The following ROS1 variants were observed in gnomAD, a reference collection of about 807,000 sequenced individuals.
ROS1 encodes the protein ROS proto-oncogene 1, receptor tyrosine kinase, also known as proto-oncogene tyrosine-protein kinase ROS.
A neutral mutation model predicts 273.5 loss-of-function variants in ROS1; 263 were observed. That is an observed-to-expected ratio of 0.96 (90% CI 0.87 to 1.06). The LOEUF (loss-of-function observed/expected upper bound fraction) is 1.06, where lower values mean the gene tolerates loss of function less well. Ranked by LOEUF, ROS1 falls within the 50% of genes least tolerant of loss-of-function variation. The probability of loss-of-function intolerance (pLI) is 0.00; values close to 1 mark genes in which losing one functional copy is unlikely to be tolerated. For missense variants in ROS1, 2,833 were observed against 2,751.1 expected (o/e 1.03, Z -0.67); for synonymous variants, 1,008 against 954.1 (o/e 1.06, Z -1.04).
chr6:117,326,231 T>G lies in ROS1; in HGVS notation c.5532A>C (p.Leu1844Phe), dbSNP rs1390601271. Reference sequence around the variant, plus strand: ...ACAGACATGGTAACATACCTCCAACTAATATAATATTCTCACTGATTCCAC... The same window carrying G: ...ACAGACATGGTAACATACCTCCAACGAATATAATATTCTCACTGATTCCAC... ...EYSGISENII[L>F]VGDDFWIPET... Residue 1844 changes from leucine (L) to phenylalanine (F), a missense_variant, in exon 34 of 44, where the codon TTA becomes TTC. By Grantham distance (22) the Leu-to-Phe change is conservative (BLOSUM62 0). Transcript: ENST00000368507. The G allele has an allele frequency of 1.3e-6, 2 of 1,588,882 alleles. No homozygotes were observed. Among genetic ancestry groups the G allele is most frequent in the Non-Finnish European group, 1.7e-6 (2 of 1,169,688 alleles).
intron 9 of ROS1, among the ~76,000 whole-genome samples, chr6:117,395,851 G>A (rs555939805): frequency 1.3e-5 from 2 of 150,862 alleles, no homozygotes; most frequent in African/African-American, 4.8e-5. Flanking sequence ...AGGGATTAGG[G>A]CAGAAAAGTT....
At position 117,350,101 on chromosome 6, in the gene ROS1, A is replaced by G. The variant is rs75690213; in HGVS notation, c.4303+2889T>C. ...TCTAATGCTCTTCCTTTCTTTATGT[A>G]GATCTGCATTTCTGATCTATATCAT... On this transcript the variant is annotated intron_variant, in intron 27 of 43. Transcript: ENST00000368507. Among the ~76,000 whole-genome samples, 589 of 152,190 alleles carry G rather than the reference A, an allele frequency of 3.9e-3. 6 individuals are homozygous for G. Among genetic ancestry groups the G allele is most frequent in the Middle Eastern group, 0.027 (8 of 294 alleles).
intron 34 of ROS1, among the ~76,000 whole-genome samples, chr6:117,324,850 T>C (rs1415312961): frequency 6.6e-6 from 1 of 152,132 alleles, no homozygotes; most frequent in African/African-American, 2.4e-5. Context: ...TTCAGTTGTG[T>C]AGAGGAAACA....
At chr6:117,413,706 G>A (rs1775109796) in intron 4 of ROS1, among the ~76,000 whole-genome samples, 1 of 152,206 alleles carries the variant, frequency 6.6e-6, no homozygotes, top group Non-Finnish European at 1.5e-5. Context: ...TTACGGCCAG[G>A]CTTGGTGGCT....
chr6:117,398,693 A>AAAAAAAAAAAAAAC (rs1554252569), intron 7 of ROS1, among the ~76,000 whole-genome samples: 7 of 141,094 alleles, frequency 5.0e-5, no homozygotes, highest in Non-Finnish European at 9.7e-5. Flanking sequence ...AAAAAAAAAA[A>AAAAAAAAAAAAAAC]AAAACTCGCG....
At chr6:117,291,800 G>A (rs1031425198) in intron 43 of ROS1, among the ~76,000 whole-genome samples, 3 of 152,106 alleles carry the variant, frequency 2.0e-5, no homozygotes, top group Non-Finnish European at 4.4e-5. Flanking sequence ...TATTGAGTGT[G>A]AGCATTGTTT....
intron 1 of ROS1, among the ~76,000 whole-genome samples, chr6:117,422,103 C>G (rs1341831713): frequency 6.6e-6 from 1 of 152,136 alleles, no homozygotes; most frequent in Admixed American, 6.6e-5. Flanking sequence ...CTCGACCTCC[C>G]TGCTCAATCA....
intron 42 of ROS1, among the ~76,000 whole-genome samples, chr6:117,307,716 A>G (rs1431515011): frequency 6.6e-6 from 1 of 152,102 alleles, no homozygotes; most frequent in Non-Finnish European, 1.5e-5. Flanking sequence ...TCTAGCTGGA[A>G]GATTTAAATA....
At chr6:117,341,932 C>T (rs1398871352) in intron 29 of ROS1, among the ~76,000 whole-genome samples, 2 of 152,120 alleles carry the variant, frequency 1.3e-5, no homozygotes, top group Non-Finnish European at 2.9e-5. Flanking sequence ...AAATAAACGT[C>T]ATCACCTCAT....
chr6:117,367,393 AC>A (rs1410168945), intron 18 of ROS1, among the ~76,000 whole-genome samples: 1 of 152,252 alleles, frequency 6.6e-6, no homozygotes, highest in African/African-American at 2.4e-5. Context: ...GGACTCCAGT[AC>A]CTAGGCACAC....
rs1190652673 is a variant in ROS1, at chr6:117,394,170, C to G, written c.1183G>C (p.Asp395His). The G allele has an allele frequency of 6.3e-7, 1 of 1,586,826 alleles. No homozygotes were observed. The highest frequency in any genetic ancestry group is 8.6e-7 in the Non-Finnish European group (1 of 1,167,768). ...TAACTTCTCGGACTAACCAGTTCAT[C>G]CATGATGAAATACATTCTTTGATAA... is the stretch of plus-strand genomic sequence containing the variant. Reference protein sequence around the residue: ...WLYQRMYFIMDELVCVCDLEN... With the variant: ...WLYQRMYFIMHELVCVCDLEN... Residue 395 changes from aspartate to histidine, a missense_variant, in exon 11 of 44, where the codon GAT becomes CAT. Coordinates refer to ENST00000368507, the MANE Select transcript of ROS1 (RefSeq NM_001378902.1).
At chr6:117,351,079 G>A (rs1397748799) in intron 27 of ROS1, among the ~76,000 whole-genome samples, 11 of 152,138 alleles carry the variant, frequency 7.2e-5, no homozygotes, top group Non-Finnish European at 1.6e-4. Context: ...TGCTGTACTG[G>A]GTGAAAGCAA....
intron 22 of ROS1, 63 bp downstream of exon 22, chr6:117,362,540 T>C: frequency 2.0e-6 from 3 of 1,475,118 alleles, no homozygotes; most frequent in South Asian, 2.6e-5. Flanking sequence ...AGAAACATAG[T>C]CTTTCCCTCT....
At chr6:117,413,298 A>G (rs1051662210) in intron 4 of ROS1, among the ~76,000 whole-genome samples, 1 of 152,164 alleles carries the variant, frequency 6.6e-6, no homozygotes, top group African/African-American at 2.4e-5. Context: ...CAGTCGTGCT[A>G]TGTTTCCCAG....
intron 3 of ROS1, among the ~76,000 whole-genome samples, chr6:117,415,621 C>A (rs2128743573): frequency 6.6e-6 from 1 of 152,238 alleles, no homozygotes; most frequent in East Asian, 1.9e-4. Flanking sequence ...GGGTTAAGTA[C>A]CTTAAGTTAC....
At chr6:117,416,382 A>G (rs1469231257) in intron 2 of ROS1, 65 bp from the exon 3 acceptor site, 1 of 1,057,438 alleles carries the variant, frequency 9.5e-7, no homozygotes, top group Non-Finnish European at 1.5e-6. Context: ...TTGTCACCTG[A>G]AAGTACAATG....
chr6:117,317,038 C>T (rs2128555225), intron 39 of ROS1, 105 bp downstream of exon 39: 1 of 1,176,370 alleles, frequency 8.5e-7, no homozygotes, highest in East Asian at 2.4e-5. Context: ...CCATGTAAGT[C>T]TTCTAAGGTT....
At chr6:117,365,016 G>A in intron 21 of ROS1, 44 bp downstream of exon 21, 2 of 1,578,152 alleles carry the variant, frequency 1.3e-6, no homozygotes, top group South Asian at 1.1e-5. Flanking sequence ...TGAAAAGTGA[G>A]ATTCTGCTTT....
rs563043249 is a variant in ROS1 at position 117,302,240 on chromosome 6, T to A, written c.6552-1103A>T. Among the ~76,000 whole-genome samples the A allele has an allele frequency of 2.0e-5, 3 of 152,358 alleles. No homozygotes were observed. In the South Asian group the frequency reaches 6.2e-4, roughly 32 times the overall value. On this transcript the variant is annotated intron_variant, in intron 42 of 43. Coordinates refer to ENST00000368507, the MANE Select transcript of ROS1 (RefSeq NM_001378902.1). ...GTCCCACTATTTTAAACAATCTTTT[T>A]AAGTAATATTCAGTCTTTTCTGGAT... is the stretch of plus-strand genomic sequence containing the variant.
Sources: gnomAD v4.1 joint callset for allele counts (sites outside exome capture counted in the v4.1 genomes callset) on GRCh38, gnomAD v4.1.1 for gene constraint, MANE v1.5 for transcripts, NCBI Gene and HGNC (gene_info 2026-07-23, HGNC 2026-07-21) for gene names.